The following DNAH3 variants were observed in gnomAD, a reference collection of about 807,000 sequenced individuals.
DNAH3 encodes the protein axonemal beta dynein heavy chain 3.
A neutral mutation model predicts 432.5 loss-of-function variants in DNAH3; 332 were observed. The observed-to-expected ratio is 0.77, with a 90% CI of 0.70 to 0.84. The LOEUF (loss-of-function observed/expected upper bound fraction) is 0.84. Ranked by LOEUF, DNAH3 falls within the 40% of genes least tolerant of loss-of-function variation. DNAH3 has a pLI of 0.00. For missense variants in DNAH3, 4,861 were observed against 5,114.0 expected, an observed-to-expected ratio of 0.95 and a Z score of 1.51; for synonymous variants, 1,956 against 1,900.2, an observed-to-expected ratio of 1.03 and a Z score of -0.76.
intron 41 of DNAH3, among the ~76,000 whole-genome samples, chr16:21,007,101 C>A (rs962955622): frequency 6.6e-6 from 1 of 152,106 alleles, no homozygotes; most frequent in East Asian, 1.9e-4. Context: ...TTTAATTACA[C>A]CCATCCTAGT....
chr16:20,998,406 C>A (rs2086858263), intron 43 of DNAH3, among the ~76,000 whole-genome samples: 1 of 151,846 alleles, frequency 6.6e-6, no homozygotes, highest in Non-Finnish European at 1.5e-5. Flanking sequence ...GTGTGCACCA[C>A]CACGCCCAGC....
chr16:21,060,217 C>G lies in DNAH3; in HGVS notation c.3813+47G>C, dbSNP rs1308838877. ...ACATGAACCTTCTCCCCAATGTTCT[C>G]TTTAGTGCACTAGTGTCCTGGCATG... is the stretch of plus-strand genomic sequence containing the variant. On this transcript the variant is annotated intron_variant, in intron 26 of 61. Coordinates refer to ENST00000261383, the Ensembl canonical transcript of DNAH3. 3 of 1,473,970 alleles carry G rather than the reference C, an allele frequency of 2.0e-6. No homozygotes were observed. In the African/African-American group the frequency reaches 4.2e-5, roughly 20 times the overall value. 91.3% of individuals were successfully genotyped at this position (1,473,970 alleles called of 1,614,324 possible).
chr16:21,135,099 T>C (rs979808920), intron 6 of DNAH3, among the ~76,000 whole-genome samples: 1 of 152,210 alleles, frequency 6.6e-6, no homozygotes, highest in African/African-American at 2.4e-5. Flanking sequence ...TTGTTTTCTT[T>C]CTGAGGGTAT....
At chr16:21,058,136 T>C in exon 27 of DNAH3, 6 of 1,614,050 alleles carry the variant, frequency 3.7e-6, no homozygotes, top group South Asian at 1.1e-5. Context: ...GTCCAAAAGA[T>C]GGAGGAGACA....
At chr16:21,159,013 CAT>C (rs1369957293) in intron 1 of DNAH3, among the ~76,000 whole-genome samples, 6 of 151,756 alleles carry the variant, frequency 4.0e-5, no homozygotes, top group African/African-American at 1.2e-4. Flanking sequence ...CACACACACA[CAT>C]ACACACACAC....
At chr16:21,038,069 C>A (rs1434470982) in intron 33 of DNAH3, 89 bp from the exon 34 acceptor site, 22 of 1,154,852 alleles carry the variant, frequency 1.9e-5, no homozygotes, top group Non-Finnish European at 2.8e-5. Flanking sequence ...CTTGCCCCGT[C>A]AGCAACCAGG....
At chr16:21,012,288 T>A (rs938909267) in intron 41 of DNAH3, among the ~76,000 whole-genome samples, 1 of 151,998 alleles carries the variant, frequency 6.6e-6, no homozygotes, top group African/African-American at 2.4e-5. Flanking sequence ...AAAGGATGCA[T>A]CACATTCCAG....
chr16:20,952,498 C>T lies in DNAH3; in HGVS notation c.11123G>A (p.Trp3708Ter). The change falls in exon 56 of 62, where the codon TGG becomes TAG. Residue 3708 changes from tryptophan (W) to a stop codon, truncating the protein, a stop_gained. Coordinates refer to ENST00000261383, the Ensembl canonical transcript of DNAH3. LOFTEE classifies it high-confidence loss of function. Reference sequence around the variant, plus strand: ...GTCATTGAGAAACATCTGGATCTGCCACATACTAATCCTCAGGTCAGATTC... The same window carrying T: ...GTCATTGAGAAACATCTGGATCTGCTACATACTAATCCTCAGGTCAGATTC... The T allele has an allele frequency of 6.2e-7, 1 of 1,613,574 alleles. No homozygotes were observed. The highest frequency in any genetic ancestry group is 8.5e-7 in the Non-Finnish European group (1 of 1,179,574).
At chr16:21,154,294 T>G (rs1227605767) in intron 1 of DNAH3, among the ~76,000 whole-genome samples, 1 of 152,016 alleles carries the variant, frequency 6.6e-6, no homozygotes, top group Non-Finnish European at 1.5e-5. Flanking sequence ...AATCCCAGCT[T>G]CTTGGGTTGC....
exon 49 of DNAH3, chr16:20,982,880 C>G (rs759890925): frequency 6.2e-7 from 1 of 1,613,868 alleles, no homozygotes; most frequent in African/African-American, 1.3e-5. Context: ...CCCTATTGGA[C>G]TCATGGCTAA....
chr16:21,038,124 T>G, intron 33 of DNAH3, 144 bp from the exon 34 acceptor site: 2 of 665,082 alleles, frequency 3.0e-6, no homozygotes, highest in Non-Finnish European at 5.2e-6. Context: ...TTAAGGATAT[T>G]TTAATAGAGT....
chr16:21,038,874 T>G (rs2089294806), intron 33 of DNAH3, among the ~76,000 whole-genome samples: 1 of 152,212 alleles, frequency 6.6e-6, no homozygotes, highest in Non-Finnish European at 1.5e-5. Flanking sequence ...AAGGGTGATA[T>G]TCTATTGAGA....
intron 1 of DNAH3, among the ~76,000 whole-genome samples, chr16:21,154,580 C>T (rs1029304182): frequency 6.6e-6 from 1 of 152,280 alleles, no homozygotes; most frequent in Non-Finnish European, 1.5e-5. Flanking sequence ...TGCCCTGGGA[C>T]TGCTGCTAGG....
At chr16:21,104,566 C>T (rs1475473048) in intron 15 of DNAH3, 1 of 1,611,958 alleles carries the variant, frequency 6.2e-7, no homozygotes. Flanking sequence ...GCCAGAGGAA[C>T]AGAGTGCTGT....
chr16:21,037,646 G>C lies in DNAH3; in HGVS notation c.4950+115C>G, dbSNP rs935645074. The C allele has an allele frequency of 6.0e-6, 5 of 831,366 alleles. No individual in the cohort carries two copies. The African/African-American group carries it at 8.5e-5, about 14-fold the overall frequency. The allele number at this position is 831,366 out of a possible 1,614,324, so 51.5% of individuals were successfully genotyped here. A position where few individuals can be genotyped will look rare whatever the true frequency, so the allele number is the denominator to read the frequency against. On this transcript the variant is annotated intron_variant, in intron 34 of 61. Transcript: ENST00000261383. The stretch of plus-strand genomic sequence containing the variant: ...TGCAGGGAGGGTATCAGGTGGCAGA[G>C]ATGCTGGCCAAAGAATGGAAGATGG...
chr16:21,053,160 G>A (rs773047541), intron 28 of DNAH3, among the ~76,000 whole-genome samples: 1 of 152,116 alleles, frequency 6.6e-6, no homozygotes, highest in Non-Finnish European at 1.5e-5. Context: ...TGCTTCCATT[G>A]AGCCTTTCCT....
intron 9 of DNAH3, among the ~76,000 whole-genome samples, chr16:21,122,674 C>T (rs2092368902): frequency 6.6e-6 from 1 of 152,196 alleles, no homozygotes; most frequent in Admixed American, 6.5e-5. Context: ...AATTCCTGCA[C>T]CCAATATCTA....
intron 1 of DNAH3, among the ~76,000 whole-genome samples, chr16:21,155,257 C>T (rs1434498915): frequency 1.3e-5 from 2 of 151,960 alleles, no homozygotes; most frequent in Non-Finnish European, 2.9e-5. Flanking sequence ...CCTTGTTTCT[C>T]AATTGGGCTG....
exon 41 of DNAH3, chr16:21,019,741 C>T (rs142809716): frequency 5.7e-5 from 92 of 1,614,102 alleles, no homozygotes; most frequent in East Asian, 4.2e-4. Context: ...CTGCTGTCTG[C>T]GTTGATGGTG....
Sources: gnomAD v4.1 joint callset for allele counts (sites outside exome capture counted in the v4.1 genomes callset) on GRCh38, gnomAD v4.1.1 for gene constraint, MANE v1.5 for transcripts, NCBI Gene and HGNC (gene_info 2026-07-23, HGNC 2026-07-21) for gene names.